Variants in RPAP2 observed in about 807,000 individuals in gnomAD.
The protein encoded by RPAP2 is putative RNA polymerase II subunit B1 CTD phosphatase RPAP2.
A neutral mutation model predicts 73.1 loss-of-function variants in RPAP2; 52 were observed. The ratio of observed to expected loss-of-function variants is 0.71; its 90% CI spans 0.57 to 0.90. The LOEUF is 0.90. RPAP2 is among the 40% of genes least tolerant of loss of function. The probability of loss-of-function intolerance (pLI) is 0.00; values close to 1 mark genes in which losing one functional copy is unlikely to be tolerated. For synonymous variants in RPAP2, 225 were observed against 242.1 expected, an observed-to-expected ratio of 0.93 and a Z score of 0.65; for missense variants, 598 against 701.8, an observed-to-expected ratio of 0.85 and a Z score of 1.67.
At chr1:92,349,783 C>G (rs1176095473) in intron 11 of RPAP2, among the ~76,000 whole-genome samples, 1 of 152,052 alleles carries the variant, frequency 6.6e-6, no homozygotes, top group East Asian at 1.9e-4. Flanking sequence ...AAAACATTAG[C>G]CAGGCACAGT....
intron 10 of RPAP2, 149 bp from the exon 11 acceptor site, chr1:92,345,697 T>C (rs1653852489): frequency 1.8e-6 from 1 of 569,558 alleles, no homozygotes; most frequent in African/African-American, 1.9e-5. Flanking sequence ...CACATTATTA[T>C]ACTATTGACT....
chr1:92,358,766 T>C (rs1423193901), intron 11 of RPAP2, among the ~76,000 whole-genome samples: 1 of 151,832 alleles, frequency 6.6e-6, no homozygotes, highest in Non-Finnish European at 1.5e-5. Flanking sequence ...AAAAAAAAAA[T>C]TGTAGAGATA....
At chr1:92,312,688 A>G (rs1466394133) in intron 6 of RPAP2, among the ~76,000 whole-genome samples, 2 of 152,158 alleles carry the variant, frequency 1.3e-5, no homozygotes, top group East Asian at 1.9e-4. Flanking sequence ...CACCATATCC[A>G]TAGTGACTAC....
At chr1:92,311,078 G>A (rs530552907) in intron 6 of RPAP2, among the ~76,000 whole-genome samples, 4 of 152,234 alleles carry the variant, frequency 2.6e-5, no homozygotes, top group Non-Finnish European at 5.9e-5. Context: ...CTACTCTGTT[G>A]CTTTTTTAAA....
chr1:92,369,277 T>G (rs2101414000), intron 11 of RPAP2, among the ~76,000 whole-genome samples: 1 of 152,140 alleles, frequency 6.6e-6, no homozygotes, highest in East Asian at 1.9e-4. Flanking sequence ...TATTATGGGG[T>G]TTTGCTTGTT....
chr1:92,382,884 GGGTTTTTAT>G (rs1655706269), intron 12 of RPAP2, among the ~76,000 whole-genome samples: 1 of 152,032 alleles, frequency 6.6e-6, no homozygotes. Context: ...TTTTCTTCTA[GGGTTTTTAT>G]GGTTTTAGGT....
In RPAP2 at chr1:92,395,239, G is replaced by A. The variant is rs1656154954; in HGVS notation, c.*8228G>A. The A allele has an allele frequency of 6.6e-6, 1 of 152,090 alleles. No individual in the cohort carries two copies. Among genetic ancestry groups the A allele is most frequent in the Non-Finnish European group, 1.5e-5 (1 of 68,018 alleles). 9.4% of individuals were successfully genotyped at this position (152,090 alleles called of 1,614,324 possible). Reference sequence around the variant, plus strand: ...ATGGGAGAAAACCTAGATGACCTTGGTTTAGGAAGAATTCTTAAGACACTA... The same window carrying A: ...ATGGGAGAAAACCTAGATGACCTTGATTTAGGAAGAATTCTTAAGACACTA... On this transcript the variant is annotated 3_prime_UTR_variant, in exon 13 of 13. Transcript: ENST00000610020.
chr1:92,350,745 A>G (rs1654160789), intron 11 of RPAP2, among the ~76,000 whole-genome samples: 2 of 152,174 alleles, frequency 1.3e-5, no homozygotes, highest in South Asian at 4.1e-4. Context: ...CAGCCTGGCC[A>G]ACGTGGTGAA....
At chr1:92,385,173 CAA>C (rs10708018) in intron 12 of RPAP2, among the ~76,000 whole-genome samples, 2,140 of 122,980 alleles carry the variant, frequency 0.017, 41 homozygotes, top group African/African-American at 0.055. Flanking sequence ...GACCCTGTCT[CAA>C]AAAAAAAAAA....
At chr1:92,351,543 G>C (rs887215200) in intron 11 of RPAP2, among the ~76,000 whole-genome samples, 9 of 151,980 alleles carry the variant, frequency 5.9e-5, no homozygotes, top group Non-Finnish European at 1.3e-4. Flanking sequence ...AGGACACATC[G>C]CTCAGCTTCT....
At chr1:92,383,967 C>CTTT (rs111870247) in intron 12 of RPAP2, among the ~76,000 whole-genome samples, 1 of 149,272 alleles carries the variant, frequency 6.7e-6, no homozygotes, top group African/African-American at 2.5e-5. Context: ...ATAAAACAAT[C>CTTT]TTTTTTTTTT....
intron 11 of RPAP2, among the ~76,000 whole-genome samples, chr1:92,373,764 A>AAC (rs1655270859): frequency 6.8e-6 from 1 of 147,828 alleles, no homozygotes; most frequent in Non-Finnish European, 1.5e-5. Flanking sequence ...AAAAAAAAAA[A>AAC]AAAAAAGTAG....
chr1:92,342,959 T>TA (rs1653681002), intron 10 of RPAP2, among the ~76,000 whole-genome samples: 1 of 152,170 alleles, frequency 6.6e-6, no homozygotes, highest in African/African-American at 2.4e-5. Flanking sequence ...GACCCTTAGA[T>TA]ACAGAAATCT....
At chr1:92,381,394 C>T (rs1356414388) in intron 12 of RPAP2, among the ~76,000 whole-genome samples, 1 of 152,152 alleles carries the variant, frequency 6.6e-6, no homozygotes, top group African/African-American at 2.4e-5. Context: ...CCTACTATCC[C>T]AAACCCTTCC....
intron 10 of RPAP2, among the ~76,000 whole-genome samples, chr1:92,343,281 G>C (rs764139191): frequency 2.6e-4 from 40 of 152,178 alleles, no homozygotes; most frequent in South Asian, 1.9e-3. Flanking sequence ...CGTTGGATTT[G>C]GCAGTATGGC....
chr1:92,365,229 A>G (rs150558305), intron 11 of RPAP2, among the ~76,000 whole-genome samples: 20 of 152,310 alleles, frequency 1.3e-4, no homozygotes, highest in African/African-American at 3.8e-4. Flanking sequence ...ACACATTTAT[A>G]TAAAAATCTC....
intron 11 of RPAP2, among the ~76,000 whole-genome samples, chr1:92,375,133 T>C (rs756707675): frequency 3.6e-4 from 55 of 152,234 alleles, no homozygotes; most frequent in Non-Finnish European, 7.9e-4. Context: ...ATCATAATAC[T>C]CTTGAATGAA....
At chr1:92,323,398 A>T (rs768579991) in intron 7 of RPAP2, 47 bp from the exon 8 acceptor site, 1 of 1,352,382 alleles carries the variant, frequency 7.4e-7, no homozygotes. Context: ...TTCGGGTTTT[A>T]TTTGCTATTT....
chr1:92,356,134 A>T (rs1002155656), intron 11 of RPAP2, among the ~76,000 whole-genome samples: 3 of 144,926 alleles, frequency 2.1e-5, no homozygotes, highest in African/African-American at 4.9e-5. Context: ...TTTACATTTT[A>T]TTTATTTATT....
Sources: allele counts gnomAD v4.1 joint callset (sites outside exome capture counted in the v4.1 genomes callset), GRCh38; gene constraint gnomAD v4.1.1; transcripts MANE v1.5; gene names NCBI Gene and HGNC (gene_info 2026-07-23, HGNC 2026-07-21).